WDR73: variants seen among roughly 807,000 people sequenced by gnomAD.
WDR73 encodes integrator complex assembly factor WDR73.
A neutral mutation model predicts 38.2 loss-of-function variants in WDR73; 30 were observed. The ratio of observed to expected loss-of-function variants is 0.79; its 90% CI spans 0.59 to 1.06. The LOEUF is 1.06. Ranked by LOEUF, WDR73 falls within the 50% of genes least tolerant of loss-of-function variation. WDR73 has a pLI of 0.00. For missense variants in WDR73, 487 were observed against 467.0 expected (o/e 1.04, Z -0.40); for synonymous variants, 197 against 176.0 (o/e 1.12, Z -0.94).
chr15:84,650,310 C>T (rs1896581995), intron 3 of WDR73, among the ~76,000 whole-genome samples: 1 of 152,106 alleles, frequency 6.6e-6, no homozygotes, highest in Non-Finnish European at 1.5e-5. Context: ...CTCAGCCTCC[C>T]CTGAGTAGCT....
At position 84,645,619 on chromosome 15, in the gene WDR73, G is replaced by T; in HGVS notation, c.735C>A (p.Gly245=). The T allele has an allele frequency of 6.2e-7, 1 of 1,609,074 alleles. No homozygotes were observed. Among genetic ancestry groups the T allele is most frequent in the Non-Finnish European group, 8.5e-7 (1 of 1,177,888 alleles). The change falls in exon 7 of 8, where the codon GGC becomes GGA. Residue 245 remains glycine, a synonymous_variant. Transcript: ENST00000434634. ...QGPGPSIASL[G]SDGRLCLLDP... is the part of the protein sequence containing the mutation. Reference sequence around the variant, plus strand: ...CAAGAAGACAAAGACGCCCATCTGAGCCAAGGCTGGCAATGCTGGGCCCAG... The same window carrying T: ...CAAGAAGACAAAGACGCCCATCTGATCCAAGGCTGGCAATGCTGGGCCCAG...
At position 84,643,495 on chromosome 15, in the gene WDR73, C is replaced by A. The variant is rs1384286423; in HGVS notation, c.1112G>T (p.Trp371Leu). The A allele has an allele frequency of 1.9e-6, 3 of 1,563,726 alleles. No individual in the cohort carries two copies. The highest frequency in any genetic ancestry group is 2.6e-6 in the Non-Finnish European group (3 of 1,153,462). Reference protein sequence around the residue: ...TNDASLHVWDWVDLCAPR With the variant: ...TNDASLHVWDLVDLCAPR ...TCAGCGGGGGGCACAAAGGTCCACC[C>A]AGTCCCACACATGCAGAGAGGCATC... The change falls in exon 8 of 8, where the codon TGG becomes TTG. Residue 371 changes from tryptophan to leucine, a missense_variant. Transcript: ENST00000434634.
intron 6 of WDR73, 129 bp downstream of exon 6, chr15:84,646,055 T>G: frequency 1.3e-6 from 2 of 1,551,624 alleles, no homozygotes; most frequent in Non-Finnish European, 8.7e-7. Context: ...AGGCCAGGGC[T>G]TACCTCTTAT....
In WDR73 at chr15:84,648,679, G is replaced by T. The variant is rs190151864; in HGVS notation, c.199-54C>A. 5 of 1,425,798 alleles carry T rather than the reference G, an allele frequency of 3.5e-6. No homozygotes were observed. In the East Asian group the frequency reaches 1.1e-4, roughly 32 times the overall value. The allele number at this position is 1,425,798 out of a possible 1,614,324, so 88.3% of individuals were successfully genotyped here. A position where few individuals can be genotyped will look rare whatever the true frequency, so the allele number is the denominator to read the frequency against. ...GCCAGCTCTTCAAATGAACATTTCA[G>T]AGGAACTCTAAGTGAGGAGTCAGGT... On this transcript the variant is annotated intron_variant, in intron 3 of 7. Coordinates refer to ENST00000434634, the MANE Select transcript of WDR73 (RefSeq NM_032856.5).
At chr15:84,646,584 G>T in intron 5 of WDR73, 1 of 507,624 alleles carries the variant, frequency 2.0e-6, no homozygotes, top group Non-Finnish European at 3.1e-6. Context: ...GCAAATGGAA[G>T]ACAATGCCAT....
rs1896509898 is a variant in WDR73 at position 84,647,836 on chromosome 15, G to A, written c.352+54C>T. On this transcript the variant is annotated intron_variant, in intron 5 of 7. Coordinates refer to ENST00000434634, the MANE Select transcript of WDR73 (RefSeq NM_032856.5). ...CTGGCTCAGATTAGGGGACAGGGGT[G>A]TATGAGTCACACTTTCCTAGAACCC... 4 of 1,545,132 alleles carry A rather than the reference G, an allele frequency of 2.6e-6. No homozygotes were observed. In the South Asian group the frequency reaches 3.3e-5, roughly 13 times the overall value.
In WDR73 at chr15:84,645,831, TG is replaced by T. The variant is rs1459835937; in HGVS notation, c.522del (p.Ser175ValfsTer6). 1 of 1,613,650 alleles carries T rather than the reference TG, an allele frequency of 6.2e-7. No homozygotes were observed. Among genetic ancestry groups the T allele is most frequent in the Non-Finnish European group, 8.5e-7 (1 of 1,179,848 alleles). On this transcript the variant is annotated frameshift_variant, in exon 7 of 8. Transcript: ENST00000434634. LOFTEE classifies it high-confidence loss of function. ...AGGCTACTCAGCTCCTCACTGTCAC[TG>T]ACATCTGGAAGACCGACAGCAAAGG... ...ESRKTTYTSDVSDSEELSSLQ... is the reference protein window; with the variant it reads ...ESRKTTYTSDXSDSEELSSLQ...
rs1896269935 is a variant in WDR73 at position 84,641,897 on chromosome 15, C to G, written c.*1573G>C. The G allele has an allele frequency of 6.6e-6, 1 of 152,022 alleles. No homozygotes were observed. The highest frequency in any genetic ancestry group is 1.5e-5 in the Non-Finnish European group (1 of 68,012). 9.4% of individuals were successfully genotyped at this position (152,022 alleles called of 1,614,324 possible). A position where few individuals can be genotyped will look rare whatever the true frequency, so the allele number is the denominator to read the frequency against. On this transcript the variant is annotated 3_prime_UTR_variant, in exon 8 of 8. Transcript: ENST00000434634. ...TTTTTTTTTAGAGACAGGGGTTCAC[C>G]ATGGTGCCCAGGCTGATCTCGAACT...
rs1199130357 is a variant in WDR73, at chr15:84,643,144, G to A, written c.*326C>T. The A allele has an allele frequency of 4.2e-6, 1 of 238,798 alleles. No homozygotes were observed. The highest frequency in any genetic ancestry group is 5.0e-5 in the Admixed American group (1 of 19,844). 14.8% of individuals were successfully genotyped at this position (238,798 alleles called of 1,614,324 possible). A position where few individuals can be genotyped will look rare whatever the true frequency, so the allele number is the denominator to read the frequency against. On this transcript the variant is annotated 3_prime_UTR_variant, in exon 8 of 8. Transcript: ENST00000434634. ...TTCTTTAAAAAAATTCACAAAGCAT[G>A]TTTATATTTGTTAGCTCTTTTGATT...
chr15:84,647,441 C>G (rs1896497241), intron 5 of WDR73: 1 of 165,702 alleles, frequency 6.0e-6, no homozygotes, highest in Admixed American at 5.9e-5. Context: ...GCTATGGTTG[C>G]TAATTCACCT....
At position 84,642,248 on chromosome 15, in the gene WDR73, G is replaced by A. The variant is rs185109340; in HGVS notation, c.*1222C>T. The A allele has an allele frequency of 2.2e-4, 33 of 152,034 alleles. No homozygotes were observed. Among genetic ancestry groups the A allele is most frequent in the African/African-American group, 7.5e-4 (31 of 41,438 alleles). The allele number at this position is 152,034 out of a possible 1,614,324, so 9.4% of individuals were successfully genotyped here. On this transcript the variant is annotated 3_prime_UTR_variant, in exon 8 of 8. Coordinates refer to ENST00000434634, the MANE Select transcript of WDR73 (RefSeq NM_032856.5). ...CCAGCTACTTGGCAGGCTGAGGCAG[G>A]AGCATTGCTTGAACCCATGAGGTGG...
Position 84,646,544 on chromosome 15 carries a change from CTTT to C in WDR73, c.353-199_353-197del, listed in dbSNP as rs1009644743. 7 of 826,458 alleles carry C rather than the reference CTTT, an allele frequency of 8.5e-6. No homozygotes were observed. In the African/African-American group the frequency reaches 1.0e-4, roughly 12 times the overall value. 51.2% of individuals were successfully genotyped at this position (826,458 alleles called of 1,614,324 possible). On this transcript the variant is annotated intron_variant, in intron 5 of 7. Transcript: ENST00000434634. ...GAAACCATCAGAAACATTTCAATTT[CTTT>C]ATTATTTGTCTTATAAACTGTTTTT...
At chr15:84,654,159 G>C (rs1596058030) in intron 1 of WDR73, 75 bp downstream of exon 1, 1 of 1,593,938 alleles carries the variant, frequency 6.3e-7, no homozygotes, top group East Asian at 2.2e-5. Flanking sequence ...TCCCCAACGT[G>C]CCTCCACCCA....
chr15:84,643,954 G>T, intron 7 of WDR73: 1 of 438,272 alleles, frequency 2.3e-6, no homozygotes, highest in Non-Finnish European at 3.9e-6. Context: ...CAGGCTATTG[G>T]ATGAGGAATC....
intron 4 of WDR73, chr15:84,648,326 T>A (rs1896525935): frequency 3.4e-6 from 2 of 589,614 alleles, no homozygotes; most frequent in Non-Finnish European, 6.0e-6. Context: ...TTACTTACAT[T>A]AGTCCAAGGG....
intron 4 of WDR73, 92 bp from the exon 5 acceptor site, chr15:84,648,046 C>T: frequency 9.4e-7 from 1 of 1,060,170 alleles, no homozygotes; most frequent in South Asian, 1.3e-5. Context: ...TGGGACTCCA[C>T]TTCCCATATC....
In WDR73 at chr15:84,645,497, C is replaced by A. The variant is rs746926275; in HGVS notation, c.857G>T (p.Gly286Val). ...PELLRVTWAP[G>V]LKNCLAISGF... ...TGAGATGGCCAAGCAATTCTTCAGGCCTGGGGCCCAAGTCACTCGCAGCAG... is the reference window on the plus strand; with the variant it reads ...TGAGATGGCCAAGCAATTCTTCAGGACTGGGGCCCAAGTCACTCGCAGCAG... The change falls in exon 7 of 8, where the codon GGC becomes GTC. Residue 286 changes from glycine (G) to valine (V), a missense_variant. Transcript: ENST00000434634. 1.6e-5 allele frequency: 26 copies of A among 1,612,448 alleles called. No homozygotes were observed. The Admixed American group carries it at 4.3e-4, about 27-fold the overall frequency.
chr15:84,648,000 C>T, intron 4 of WDR73, 46 bp from the exon 5 acceptor site: 1 of 1,550,764 alleles, frequency 6.4e-7, no homozygotes, highest in Non-Finnish European at 8.9e-7. Flanking sequence ...GGAGCTTATC[C>T]ACACAGGTCC....
chr15:84,650,668 T>C (rs1196086386), intron 3 of WDR73, among the ~76,000 whole-genome samples: 2 of 152,184 alleles, frequency 1.3e-5, no homozygotes, highest in Admixed American at 1.3e-4. Flanking sequence ...AAATTTGTTT[T>C]ATTTTTAGTA....
Sources: allele counts gnomAD v4.1 joint callset (sites outside exome capture counted in the v4.1 genomes callset), GRCh38; gene constraint gnomAD v4.1.1; transcripts MANE v1.5; gene names NCBI Gene and HGNC (gene_info 2026-07-23, HGNC 2026-07-21).